PTPRM: variants seen among roughly 807,000 people sequenced by gnomAD.
The protein encoded by PTPRM is receptor-type tyrosine-protein phosphatase mu.
A neutral mutation model predicts 186.7 loss-of-function variants in PTPRM; 47 were observed. The observed-to-expected ratio is 0.25, with a 90% CI of 0.20 to 0.32. The LOEUF is 0.32. Ranked by LOEUF, PTPRM falls within the 10% of genes least tolerant of loss-of-function variation. The pLI is 1.00. For synonymous variants in PTPRM, 668 were observed against 674.9 expected, an observed-to-expected ratio of 0.99 and a Z score of 0.16; for missense variants, 1,494 against 1,865.0, an observed-to-expected ratio of 0.80 and a Z score of 3.66.
Position 8,028,621 on chromosome 18 carries a change from C to T in PTPRM, c.1133-41065C>T, listed in dbSNP as rs147420603. ...TTCTATGCTGCCTCCCAGAGCCCGA[C>T]TTAGCAGTGGCCTTAATCAATAAAT... On this transcript the variant is annotated intron_variant, in intron 7 of 32. Coordinates refer to ENST00000580170, the MANE Select transcript of PTPRM (RefSeq NM_001105244.2). Among the ~76,000 whole-genome samples, 345 of 152,266 alleles carry T rather than the reference C, an allele frequency of 2.3e-3. 1 individual carries two copies. Among genetic ancestry groups the T allele is most frequent in the African/African-American group, 7.9e-3 (328 of 41,542 alleles).
intron 7 of PTPRM, among the ~76,000 whole-genome samples, chr18:7,993,186 A>G (rs1041124846): frequency 2.6e-5 from 4 of 152,030 alleles, no homozygotes; most frequent in African/African-American, 4.8e-5. Flanking sequence ...GACATAAATG[A>G]ATGAAAAAAA....
At chr18:8,217,956 A>G (rs2094109621) in intron 14 of PTPRM, among the ~76,000 whole-genome samples, 1 of 152,162 alleles carries the variant, frequency 6.6e-6, no homozygotes. Flanking sequence ...TGCTTGGCAC[A>G]TTTAGAAATA....
chr18:7,909,714 G>A (rs989603999), intron 4 of PTPRM, among the ~76,000 whole-genome samples: 1 of 109,690 alleles, frequency 9.1e-6, no homozygotes, highest in African/African-American at 3.3e-5. Flanking sequence ...TTGCTCCACT[G>A]TAAAGGCTCT....
At chr18:7,720,109 G>A (rs1298854089) in intron 1 of PTPRM, among the ~76,000 whole-genome samples, 1 of 152,082 alleles carries the variant, frequency 6.6e-6, no homozygotes, top group Non-Finnish European at 1.5e-5. Flanking sequence ...GTTATAATTT[G>A]TTCTTTGATA....
intron 5 of PTPRM, among the ~76,000 whole-genome samples, chr18:7,947,898 A>G (rs972037812): frequency 3.3e-5 from 5 of 152,110 alleles, no homozygotes; most frequent in African/African-American, 1.2e-4. Flanking sequence ...CTGCAGGCCC[A>G]TAAGCCCAGC....
intron 11 of PTPRM, among the ~76,000 whole-genome samples, chr18:8,104,884 T>G (rs1403612876): frequency 6.6e-6 from 1 of 152,244 alleles, no homozygotes; most frequent in African/African-American, 2.4e-5. Context: ...TTCACCATTT[T>G]TATTAGTCTC....
rs1005887094 is a variant in PTPRM, at chr18:7,992,205, G to A, written c.1132+36791G>A. ...AACTGTTTTATCTTTTGGGGTTCTG[G>A]GTATGATCCTGTTTAACAAGATATT... On this transcript the variant is annotated intron_variant, in intron 7 of 32. Coordinates refer to ENST00000580170, the MANE Select transcript of PTPRM (RefSeq NM_001105244.2). 2.6e-5 allele frequency among the ~76,000 whole-genome samples: 4 copies of A among 151,946 alleles called. No homozygotes were observed. The South Asian group carries it at 8.3e-4, about 32-fold the overall frequency.
chr18:8,099,140 T>C (rs2091162427), intron 11 of PTPRM, among the ~76,000 whole-genome samples: 1 of 141,394 alleles, frequency 7.1e-6, no homozygotes, highest in African/African-American at 2.6e-5. Context: ...ACAGTCTCTT[T>C]CTCTCTCTCT....
chr18:8,319,157 T>C (rs878865947), intron 21 of PTPRM, 21 bp from the exon 22 acceptor site: 1 of 1,481,856 alleles, frequency 6.7e-7, no homozygotes, highest in Admixed American at 1.8e-5. Context: ...TTATCAAATA[T>C]TCTCTTTTAT....
intron 22 of PTPRM, among the ~76,000 whole-genome samples, chr18:8,334,148 G>A (rs1349298674): frequency 6.6e-6 from 1 of 152,212 alleles, no homozygotes; most frequent in East Asian, 1.9e-4. Context: ...GCACCTGCCT[G>A]GCAGGGAGCC....
At chr18:7,595,744 A>C (rs2037241042) in intron 1 of PTPRM, among the ~76,000 whole-genome samples, 1 of 152,224 alleles carries the variant, frequency 6.6e-6, no homozygotes, top group Non-Finnish European at 1.5e-5. Flanking sequence ...GATATTATTA[A>C]GACTATTTCT....
intron 1 of PTPRM, among the ~76,000 whole-genome samples, chr18:7,773,140 A>G (rs993557760): frequency 1.3e-5 from 2 of 152,042 alleles, no homozygotes; most frequent in South Asian, 4.1e-4. Context: ...TTTCATTTCT[A>G]GTACCAGAAT....
At chr18:7,847,884 GC>G (rs760036076) in intron 2 of PTPRM, among the ~76,000 whole-genome samples, 1 of 152,134 alleles carries the variant, frequency 6.6e-6, no homozygotes, top group Non-Finnish European at 1.5e-5. Context: ...CATCAGAGAG[GC>G]CCCCTCAAGG....
chr18:8,247,137 C>T (rs964523968), intron 15 of PTPRM, among the ~76,000 whole-genome samples: 1 of 151,992 alleles, frequency 6.6e-6, no homozygotes, highest in Non-Finnish European at 1.5e-5. Context: ...ATTATTCTAT[C>T]AAGGCTCTGT....
chr18:7,579,467 A>T (rs2036786615), intron 1 of PTPRM, among the ~76,000 whole-genome samples: 1 of 152,256 alleles, frequency 6.6e-6, no homozygotes, highest in African/African-American at 2.4e-5. Flanking sequence ...GAATTTTTAC[A>T]TAGCAAACTA....
intron 2 of PTPRM, among the ~76,000 whole-genome samples, chr18:7,816,049 AT>A (rs1568170661): frequency 6.6e-6 from 1 of 152,208 alleles, no homozygotes; most frequent in African/African-American, 2.4e-5. Context: ...AGTGAGTGAT[AT>A]GTGCCTTAGG....
chr18:8,059,400 A>G (rs1189627926), intron 7 of PTPRM, among the ~76,000 whole-genome samples: 10 of 69,098 alleles, frequency 1.4e-4, no homozygotes, highest in Non-Finnish European at 2.8e-4. Context: ...TCGTCTGCAA[A>G]CAGGGACAAT....
intron 20 of PTPRM, among the ~76,000 whole-genome samples, chr18:8,312,707 G>A (rs571927156): frequency 2.8e-4 from 42 of 152,148 alleles, no homozygotes; most frequent in African/African-American, 8.9e-4. Flanking sequence ...CACCAGCAGC[G>A]ATTCTCACCC....
At chr18:8,127,275 AG>A (rs1387116504) in intron 13 of PTPRM, among the ~76,000 whole-genome samples, 1 of 152,158 alleles carries the variant, frequency 6.6e-6, no homozygotes, top group African/African-American at 2.4e-5. Context: ...AGCACATGCT[AG>A]GGAACTTAAG....
Sources: gnomAD v4.1 joint callset for allele counts (sites outside exome capture counted in the v4.1 genomes callset) on GRCh38, gnomAD v4.1.1 for gene constraint, MANE v1.5 for transcripts, NCBI Gene and HGNC (gene_info 2026-07-23, HGNC 2026-07-21) for gene names.